ADGRB3: variants seen among roughly 807,000 people sequenced by gnomAD.
ADGRB3 encodes the protein brain-specific angiogenesis inhibitor 3.
In ADGRB3, 37 loss-of-function variants were observed where a neutral mutation model predicts 193.4. The ratio of observed to expected loss-of-function variants is 0.19; its 90% CI spans 0.15 to 0.25. The LOEUF (loss-of-function observed/expected upper bound fraction) is 0.25, where lower values mean the gene tolerates loss of function less well. ADGRB3 is among the 10% of genes least tolerant of loss of function. ADGRB3 has a pLI of 1.00. For synonymous variants in ADGRB3, 690 were observed against 644.2 expected, an observed-to-expected ratio of 1.07 and a Z score of -1.08; for missense variants, 1,637 against 1,852.9, an observed-to-expected ratio of 0.88 and a Z score of 2.14.
intron 3 of ADGRB3, among the ~76,000 whole-genome samples, chr6:68,878,837 G>A (rs1434789096): frequency 1.3e-5 from 2 of 152,174 alleles, no homozygotes; most frequent in African/African-American, 2.4e-5. Flanking sequence ...CATGATGGAA[G>A]GCAAAGAGGA....
chr6:69,222,002 C>A (rs138812824), intron 17 of ADGRB3, among the ~76,000 whole-genome samples: 124 of 152,200 alleles, frequency 8.1e-4, no homozygotes, highest in Non-Finnish European at 1.5e-3. Context: ...AAAAGAAATT[C>A]ATGGTGAAAA....
intron 3 of ADGRB3, among the ~76,000 whole-genome samples, chr6:68,771,916 G>C (rs757652048): frequency 1.3e-5 from 2 of 152,068 alleles, no homozygotes; most frequent in Non-Finnish European, 2.9e-5. Flanking sequence ...ACAGCATTTT[G>C]AGTGTTTGAT....
In ADGRB3 at chr6:68,942,049, A is replaced by G. The variant is rs1425379404; in HGVS notation, c.1031-1781A>G. Among the ~76,000 whole-genome samples, 4 of 151,724 alleles carry G rather than the reference A, an allele frequency of 2.6e-5. No homozygotes were observed. The East Asian group carries it at 7.7e-4, about 29-fold the overall frequency. Reference sequence around the variant, plus strand: ...TTCCTACATATTATTTTAAAACTATATTTCCCAACAAGGTTCTCAGAATCT... The same window carrying G: ...TTCCTACATATTATTTTAAAACTATGTTTCCCAACAAGGTTCTCAGAATCT... On this transcript the variant is annotated intron_variant, in intron 5 of 31. Coordinates refer to ENST00000370598, the MANE Select transcript of ADGRB3 (RefSeq NM_001704.3).
chr6:69,292,542 C>G (rs947054089), intron 20 of ADGRB3, among the ~76,000 whole-genome samples: 3 of 152,114 alleles, frequency 2.0e-5, no homozygotes, highest in Admixed American at 2.0e-4. Context: ...TCCATTCTTA[C>G]TTCCTTCCAC....
intron 17 of ADGRB3, among the ~76,000 whole-genome samples, chr6:69,167,625 GTAAGAGAA>G (rs1289377950): frequency 6.6e-6 from 1 of 152,028 alleles, no homozygotes; most frequent in Non-Finnish European, 1.5e-5. Flanking sequence ...GTCTTTCAGG[GTAAGAGAA>G]TAATACACTT....
At chr6:68,829,090 ACTTTTT>A (rs1335613306) in intron 3 of ADGRB3, among the ~76,000 whole-genome samples, 1 of 101,480 alleles carries the variant, frequency 9.9e-6, no homozygotes, top group Non-Finnish European at 1.8e-5. Flanking sequence ...TGTTTAAGTA[ACTTTTT>A]TTTTTTTTTT....
chr6:69,206,967 C>T (rs1768312965), intron 17 of ADGRB3, among the ~76,000 whole-genome samples: 1 of 152,144 alleles, frequency 6.6e-6, no homozygotes, highest in African/African-American at 2.4e-5. Context: ...CATGTTAATA[C>T]CAAGAGACAC....
intron 3 of ADGRB3, among the ~76,000 whole-genome samples, chr6:68,797,419 AG>A (rs1400136569): frequency 6.6e-6 from 1 of 151,554 alleles, no homozygotes; most frequent in African/African-American, 2.4e-5. Context: ...AAAAAAAAAA[AG>A]GATGTACTTG....
chr6:68,997,738 G>C (rs557131892), intron 11 of ADGRB3, among the ~76,000 whole-genome samples: 27 of 151,568 alleles, frequency 1.8e-4, no homozygotes, highest in Non-Finnish European at 3.4e-4. Context: ...AACACATGAG[G>C]TCCTTAAGTT....
intron 20 of ADGRB3, among the ~76,000 whole-genome samples, chr6:69,299,623 A>C (rs1767908164): frequency 6.6e-6 from 1 of 151,948 alleles, no homozygotes; most frequent in South Asian, 2.1e-4. Flanking sequence ...TCCCAGCACC[A>C]TTAATTGAAG....
intron 13 of ADGRB3, among the ~76,000 whole-genome samples, chr6:69,031,040 TC>T (rs55758858): frequency 0.13 from 737 of 5,774 alleles, 80 homozygotes; most frequent in Middle Eastern, 0.36. Context: ...TTCTCTTCTC[TC>T]TTCTCTTCTC....
At chr6:69,068,782 AAT>A (rs1239321991) in intron 16 of ADGRB3, among the ~76,000 whole-genome samples, 3 of 152,214 alleles carry the variant, frequency 2.0e-5, no homozygotes, top group African/African-American at 7.2e-5. Context: ...AGTGATATTA[AAT>A]ATGTGCCCTC....
chr6:68,722,175 T>A (rs7738291), intron 3 of ADGRB3, among the ~76,000 whole-genome samples: 117,033 of 151,572 alleles, frequency 0.77, 45,381 homozygotes, highest in Middle Eastern at 0.91. Flanking sequence ...TAAATATTTT[T>A]AAAAATTGAT....
chr6:69,280,359 A>G (rs1340430988), intron 20 of ADGRB3, among the ~76,000 whole-genome samples: 1 of 152,056 alleles, frequency 6.6e-6, no homozygotes, highest in Non-Finnish European at 1.5e-5. Context: ...CCCTACATAT[A>G]TTTGATTTCA....
intron 8 of ADGRB3, among the ~76,000 whole-genome samples, chr6:68,961,354 G>C (rs1768227500): frequency 6.6e-6 from 1 of 152,118 alleles, no homozygotes; most frequent in African/African-American, 2.4e-5. Flanking sequence ...CAGTCCTGAT[G>C]TTGTCAGCCC....
intron 17 of ADGRB3, among the ~76,000 whole-genome samples, chr6:69,178,146 G>T (rs1775479555): frequency 6.6e-6 from 1 of 152,114 alleles, no homozygotes; most frequent in African/African-American, 2.4e-5. Context: ...TGGAATATAT[G>T]CATCTTTTGT....
intron 3 of ADGRB3, among the ~76,000 whole-genome samples, chr6:68,666,805 AG>A (rs1272928081): frequency 8.6e-4 from 131 of 151,976 alleles, no homozygotes; most frequent in African/African-American, 3.1e-3. Context: ...CCCTAAAAAA[AG>A]AAATGATAAA....
At chr6:68,802,212 A>ATGTG (rs770074423) in intron 3 of ADGRB3, among the ~76,000 whole-genome samples, 1 of 136,174 alleles carries the variant, frequency 7.3e-6, no homozygotes, top group African/African-American at 3.0e-5. Context: ...GTGTGTGTGT[A>ATGTG]TGTGTGTGTG....
intron 17 of ADGRB3, among the ~76,000 whole-genome samples, chr6:69,099,554 T>C: frequency 6.6e-6 from 1 of 152,230 alleles, no homozygotes; most frequent in Non-Finnish European, 1.5e-5. Flanking sequence ...AGGGAAGCCT[T>C]GGTCCTTTTC....
Sources: gnomAD v4.1 joint callset for allele counts (sites outside exome capture counted in the v4.1 genomes callset) on GRCh38, gnomAD v4.1.1 for gene constraint, MANE v1.5 for transcripts, NCBI Gene and HGNC (gene_info 2026-07-23, HGNC 2026-07-21) for gene names.